Variants in MYZAP observed in about 807,000 individuals in gnomAD.
MYZAP encodes the protein myocardial zonula adherens protein.
Under a neutral mutation model 69.4 loss-of-function variants are expected in MYZAP, and 66 were observed. The ratio of observed to expected loss-of-function variants is 0.95; its 90% CI spans 0.78 to 1.17. The LOEUF is 1.17. Among genes scored for constraint, MYZAP ranks in the 50% most tolerant of loss-of-function variants. MYZAP has a pLI of 0.00. For missense variants in MYZAP, 611 were observed against 556.2 expected (o/e 1.10, Z -0.99); for synonymous variants, 256 against 205.9 (o/e 1.24, Z -2.09).
rs77695345 is a variant in MYZAP at position 57,624,852 on chromosome 15, C to T, written c.412-927C>T. Among the ~76,000 whole-genome samples, 39 of 152,316 alleles carry T rather than the reference C, an allele frequency of 2.6e-4. No homozygotes were observed. In the East Asian group the frequency reaches 7.5e-3, roughly 29 times the overall value. ...GCTTGCTGCTTCAATTCTGTCTCCA[C>T]TCCCCAGAGTGCACCTCCTGCTCTG... On this transcript the variant is annotated intron_variant, in intron 4 of 12. Coordinates refer to ENST00000267853, the MANE Select transcript of MYZAP (RefSeq NM_001018100.5).
At chr15:57,596,429 C>G (rs1366877374) in intron 1 of MYZAP, among the ~76,000 whole-genome samples, 1 of 152,176 alleles carries the variant, frequency 6.6e-6, no homozygotes, top group Non-Finnish European at 1.5e-5. Flanking sequence ...CAAGATACTT[C>G]TCAGCACTCA....
chr15:57,615,463 T>G (rs1186481780), intron 2 of MYZAP, among the ~76,000 whole-genome samples: 1 of 152,202 alleles, frequency 6.6e-6, no homozygotes, highest in African/African-American at 2.4e-5. Flanking sequence ...ATCTCCCTGC[T>G]TGGGCCAGGG....
chr15:57,656,620 G>A (rs138751934), intron 10 of MYZAP, among the ~76,000 whole-genome samples: 13 of 152,280 alleles, frequency 8.5e-5, no homozygotes, highest in African/African-American at 3.1e-4. Flanking sequence ...CTTGGGAAAG[G>A]GATGGGAGGT....
chr15:57,621,614 G>A lies in MYZAP; in HGVS notation c.325G>A (p.Ala109Thr), dbSNP rs778569189. 5.5e-5 allele frequency: 88 copies of A among 1,613,474 alleles called. No homozygotes were observed. The highest frequency in any genetic ancestry group is 4.9e-4 in the Middle Eastern group (3 of 6,082). ...EEMNYIKDVR[A>T]TLEKVRKRMY... ...GTATCTTTGTGGGCTACAGGTGAGA[G>A]CCACTTTGGAAAAGGTGAGAAAGCG... Residue 109 changes from alanine (A) to threonine (T), a missense_variant, in exon 4 of 13, where the codon GCC becomes ACC. By Grantham distance (58) the Ala-to-Thr change is moderately conservative. Transcript: ENST00000267853.
intron 10 of MYZAP, among the ~76,000 whole-genome samples, chr15:57,648,968 C>T (rs1222540805): frequency 6.6e-6 from 1 of 150,826 alleles, no homozygotes; most frequent in Non-Finnish European, 1.5e-5. Flanking sequence ...TAGTATGTGG[C>T]TTAGTTTGTG....
intron 2 of MYZAP, among the ~76,000 whole-genome samples, chr15:57,604,718 G>A (rs1485045290): frequency 2.0e-5 from 3 of 152,226 alleles, no homozygotes; most frequent in Non-Finnish European, 4.4e-5. Flanking sequence ...GGCGGGGCTG[G>A]AACCTTTCTC....
intron 10 of MYZAP, among the ~76,000 whole-genome samples, chr15:57,641,797 A>T (rs2037176006): frequency 6.6e-6 from 1 of 152,240 alleles, no homozygotes; most frequent in Non-Finnish European, 1.5e-5. Flanking sequence ...ATAGCCATTT[A>T]TGTGAATATT....
chr15:57,647,025 A>C (rs533703325), intron 10 of MYZAP: 1 of 985,430 alleles, frequency 1.0e-6, no homozygotes, highest in South Asian at 4.7e-5. Flanking sequence ...ATGAGTCTAC[A>C]TAAGCTGGGA....
intron 5 of MYZAP, among the ~76,000 whole-genome samples, chr15:57,629,463 G>A (rs1173852457): frequency 2.0e-5 from 3 of 152,126 alleles, no homozygotes; most frequent in Non-Finnish European, 2.9e-5. Context: ...AGTGGTGTTG[G>A]CAGCAGCTAT....
chr15:57,608,702 C>T (rs2034916278), intron 2 of MYZAP, among the ~76,000 whole-genome samples: 1 of 152,218 alleles, frequency 6.6e-6, no homozygotes, highest in Admixed American at 6.5e-5. Flanking sequence ...GAGGTAATGA[C>T]TAAACACTGA....
chr15:57,592,599 C>G (rs1160814728), intron 1 of MYZAP, among the ~76,000 whole-genome samples: 2 of 152,178 alleles, frequency 1.3e-5, no homozygotes, highest in African/African-American at 4.8e-5. Flanking sequence ...CAGCAGCCGG[C>G]CGCCCAGGAG....
intron 2 of MYZAP, among the ~76,000 whole-genome samples, chr15:57,613,461 C>T (rs894397262): frequency 2.0e-5 from 3 of 152,006 alleles, no homozygotes; most frequent in African/African-American, 7.3e-5. Context: ...GCCTCAACCT[C>T]CTGGGCTCAA....
At chr15:57,640,712 C>T (rs2037101588) in intron 10 of MYZAP, among the ~76,000 whole-genome samples, 1 of 152,092 alleles carries the variant, frequency 6.6e-6, no homozygotes, top group South Asian at 2.1e-4. Flanking sequence ...GTAGGATAAA[C>T]ATACACATTA....
intron 10 of MYZAP, among the ~76,000 whole-genome samples, chr15:57,645,208 C>T (rs762346241): frequency 1.4e-4 from 21 of 152,268 alleles, no homozygotes; most frequent in African/African-American, 4.8e-4. Context: ...AAGTATTTAA[C>T]GGTCATCTCT....
intron 5 of MYZAP, 76 bp from the exon 6 acceptor site, chr15:57,629,626 A>T (rs2036374818): frequency 2.0e-6 from 3 of 1,532,454 alleles, no homozygotes; most frequent in Admixed American, 2.0e-5. Context: ...TGATAAGGGG[A>T]TGCCCCAGCA....
chr15:57,646,314 G>T (rs1445044797), intron 10 of MYZAP: 1 of 1,221,506 alleles, frequency 8.2e-7, no homozygotes, highest in Non-Finnish European at 1.0e-6. Flanking sequence ...AACAAAACAG[G>T]AAGGACATAT....
chr15:57,608,302 G>C (rs777329820), intron 2 of MYZAP, among the ~76,000 whole-genome samples: 1 of 152,148 alleles, frequency 6.6e-6, no homozygotes, highest in Non-Finnish European at 1.5e-5. Flanking sequence ...CCATTCTTCC[G>C]TTTGCTGTTC....
At chr15:57,611,112 G>A (rs183571892) in intron 2 of MYZAP, among the ~76,000 whole-genome samples, 1 of 152,296 alleles carries the variant, frequency 6.6e-6, no homozygotes, top group East Asian at 1.9e-4. Context: ...TATGCTATTA[G>A]CACACTAGGT....
intron 1 of MYZAP, among the ~76,000 whole-genome samples, chr15:57,600,367 C>G (rs527240559): frequency 1.3e-5 from 2 of 152,278 alleles, no homozygotes; most frequent in Admixed American, 1.3e-4. Flanking sequence ...CTGCAACTGC[C>G]AAATGTCTTT....
Sources: allele counts gnomAD v4.1 joint callset (sites outside exome capture counted in the v4.1 genomes callset), GRCh38; gene constraint gnomAD v4.1.1; transcripts MANE v1.5; gene names NCBI Gene and HGNC (gene_info 2026-07-23, HGNC 2026-07-21).